DROSHA: variants seen among roughly 807,000 people sequenced by gnomAD.
The protein encoded by DROSHA is drosha ribonuclease III.
A neutral mutation model predicts 181.9 loss-of-function variants in DROSHA; 56 were observed. The ratio of observed to expected loss-of-function variants is 0.31; its 90% CI spans 0.25 to 0.38. The LOEUF (loss-of-function observed/expected upper bound fraction) is 0.38, where lower values mean the gene tolerates loss of function less well. Among genes scored for constraint, DROSHA ranks in the 10% least tolerant of loss-of-function variants. DROSHA has a pLI of 1.00. For missense variants in DROSHA, 1,218 were observed against 1,743.5 expected, an observed-to-expected ratio of 0.70 and a Z score of 5.37; for synonymous variants, 524 against 591.2, an observed-to-expected ratio of 0.89 and a Z score of 1.65.
At chr5:31,504,119 G>GGACCT (rs1737627729) in intron 11 of DROSHA, among the ~76,000 whole-genome samples, 1 of 152,114 alleles carries the variant, frequency 6.6e-6, no homozygotes, top group South Asian at 2.1e-4. Context: ...ATAAACCAAG[G>GGACCT]GCAGAGACGC....
intron 27 of DROSHA, among the ~76,000 whole-genome samples, chr5:31,426,230 T>C (rs959734245): frequency 1.1e-4 from 16 of 151,774 alleles, no homozygotes; most frequent in African/African-American, 3.4e-4. Flanking sequence ...CTGCTGCACC[T>C]TGGTGTCAGG....
chr5:31,480,996 C>T (rs571343252), intron 16 of DROSHA, among the ~76,000 whole-genome samples: 1 of 152,014 alleles, frequency 6.6e-6, no homozygotes, highest in South Asian at 2.1e-4. Context: ...TCCATCTGCT[C>T]AATGAATTAT....
At chr5:31,431,703 G>A (rs367877180) in intron 25 of DROSHA, 25 bp from the exon 26 acceptor site, 22 of 1,611,372 alleles carry the variant, frequency 1.4e-5, no homozygotes, top group African/African-American at 8.0e-5. Context: ...ATGACAAAAC[G>A]TAAGAAAGAG....
intron 16 of DROSHA, among the ~76,000 whole-genome samples, chr5:31,480,804 T>C (rs1750950551): frequency 6.6e-6 from 1 of 152,180 alleles, no homozygotes; most frequent in Admixed American, 6.5e-5. Context: ...GACAAATGTT[T>C]ACTCTTCAGC....
intron 11 of DROSHA, among the ~76,000 whole-genome samples, chr5:31,497,701 C>G (rs141638122): frequency 6.6e-6 from 1 of 152,210 alleles, no homozygotes; most frequent in Non-Finnish European, 1.5e-5. Context: ...GAAATGAGTG[C>G]CATTACTCAC....
At chr5:31,431,809 T>C in intron 25 of DROSHA, 131 bp from the exon 26 acceptor site, 1 of 734,176 alleles carries the variant, frequency 1.4e-6, no homozygotes, top group Non-Finnish European at 2.3e-6. Context: ...AATCCATGAA[T>C]ATATTAAGAG....
rs1293897279 is a variant in DROSHA, at chr5:31,472,125, C to T, written c.2179G>A (p.Glu727Lys). The change falls in exon 17 of 36, where the codon GAG (glutamate) becomes AAG (lysine). Residue 727 changes from glutamate to lysine, a missense_variant. Physicochemically the swap from Glu to Lys is moderately conservative, Grantham distance 56. Transcript: ENST00000344624. ...EEIANMLQWEELEWQKYAEEC... is the reference protein window; with the variant it reads ...EEIANMLQWEKLEWQKYAEEC... ...TCTGCATATTTCTGCCACTCCAGCTCCTCCCACTGAAGCATATTGGCAATC... is the reference window on the plus strand; with the variant it reads ...TCTGCATATTTCTGCCACTCCAGCTTCTCCCACTGAAGCATATTGGCAATC... 6.2e-7 allele frequency: 1 copy of T among 1,613,924 alleles called. No individual in the cohort carries two copies. Among genetic ancestry groups the T allele is most frequent in the Admixed American group, 1.7e-5 (1 of 60,010 alleles).
chr5:31,504,707 A>C, intron 10 of DROSHA, 72 bp from the exon 11 acceptor site: 1 of 1,515,044 alleles, frequency 6.6e-7, no homozygotes. Context: ...ATGCCTCCGA[A>C]AATGCGTGGG....
chr5:31,508,184 T>C (rs1345337376), intron 10 of DROSHA, among the ~76,000 whole-genome samples: 1 of 152,200 alleles, frequency 6.6e-6, no homozygotes, highest in Non-Finnish European at 1.5e-5. Context: ...ACCTATTATG[T>C]TTTTAGCTCA....
At chr5:31,435,392 T>C (rs1235623174) in intron 25 of DROSHA, among the ~76,000 whole-genome samples, 1 of 152,240 alleles carries the variant, frequency 6.6e-6, no homozygotes, top group Admixed American at 6.5e-5. Flanking sequence ...GGCTTGTTAA[T>C]GTAAATTAAA....
At chr5:31,416,205 A>G (rs1419265330) in intron 30 of DROSHA, among the ~76,000 whole-genome samples, 1 of 152,164 alleles carries the variant, frequency 6.6e-6, no homozygotes, top group Admixed American at 6.5e-5. Flanking sequence ...TCCCCCAACC[A>G]ATGCAACTGC....
At chr5:31,490,677 C>T (rs757027391) in intron 13 of DROSHA, among the ~76,000 whole-genome samples, 1 of 152,150 alleles carries the variant, frequency 6.6e-6, no homozygotes, top group Non-Finnish European at 1.5e-5. Context: ...CCATCATTTG[C>T]ATGACATGCT....
intron 6 of DROSHA, among the ~76,000 whole-genome samples, chr5:31,518,976 A>G (rs1739574326): frequency 6.6e-6 from 1 of 152,314 alleles, no homozygotes; most frequent in South Asian, 2.1e-4. Context: ...AGGGCATTTC[A>G]ACACAGAAAC....
intron 13 of DROSHA, chr5:31,488,862 A>G (rs1752080243): frequency 6.6e-6 from 1 of 152,240 alleles, no homozygotes; most frequent in Admixed American, 6.5e-5. Context: ...TATTACTGAA[A>G]TATACAGTGA....
chr5:31,496,251 A>G (rs1357828465), intron 11 of DROSHA, among the ~76,000 whole-genome samples: 1 of 152,298 alleles, frequency 6.6e-6, no homozygotes, highest in East Asian at 1.9e-4. Flanking sequence ...AGCCTGGGCA[A>G]CAAGGCAAAA....
chr5:31,525,004 G>A (rs1740348433), intron 5 of DROSHA, among the ~76,000 whole-genome samples: 1 of 151,948 alleles, frequency 6.6e-6, no homozygotes, highest in Non-Finnish European at 1.5e-5. Context: ...AGACCAGCCT[G>A]GCCAACATGG....
At chr5:31,508,511 G>A in intron 10 of DROSHA, 110 bp downstream of exon 10, 1 of 1,494,864 alleles carries the variant, frequency 6.7e-7, no homozygotes, top group South Asian at 1.3e-5. Context: ...ACAAAACCCT[G>A]ACAGTAAAAT....
chr5:31,511,233 A>T (rs1225312783), intron 8 of DROSHA, 57 bp from the exon 9 acceptor site: 1 of 1,499,958 alleles, frequency 6.7e-7, no homozygotes, highest in African/African-American at 1.4e-5. Context: ...CATATCAAAG[A>T]TATGTAAGAT....
chr5:31,529,735 A>AAAAAAAAAAAAC (rs1561306715), intron 3 of DROSHA, among the ~76,000 whole-genome samples: 2 of 95,856 alleles, frequency 2.1e-5, no homozygotes, highest in East Asian at 4.3e-4. Flanking sequence ...AAAAACAAAC[A>AAAAAAAAAAAAC]AAAAAAAAAA....
Sources: allele counts gnomAD v4.1 joint callset (sites outside exome capture counted in the v4.1 genomes callset), GRCh38; gene constraint gnomAD v4.1.1; transcripts MANE v1.5; gene names NCBI Gene and HGNC (gene_info 2026-07-23, HGNC 2026-07-21).